Variants in ITPR2 observed in about 807,000 individuals in gnomAD.
ITPR2 encodes the protein inositol 1,4,5-trisphosphate-gated calcium channel ITPR2.
Under a neutral mutation model 317.1 loss-of-function variants are expected in ITPR2, and 207 were observed. That is an observed-to-expected ratio of 0.65 (90% CI 0.58 to 0.73). The LOEUF (loss-of-function observed/expected upper bound fraction) is 0.73. Ranked by LOEUF, ITPR2 falls within the 30% of genes least tolerant of loss-of-function variation. ITPR2 has a pLI of 0.00. For missense variants in ITPR2, 2,613 were observed against 3,284.0 expected, an observed-to-expected ratio of 0.80 and a Z score of 4.99; for synonymous variants, 1,156 against 1,149.1, an observed-to-expected ratio of 1.01 and a Z score of -0.12.
chr12:26,594,368 G>C (rs1357468680), intron 32 of ITPR2, among the ~76,000 whole-genome samples: 1 of 151,906 alleles, frequency 6.6e-6, no homozygotes, highest in African/African-American at 2.4e-5. Flanking sequence ...TTACATGTCT[G>C]AGTCTACAGG....
chr12:26,450,967 CTG>C (rs767142543), intron 45 of ITPR2, among the ~76,000 whole-genome samples: 1 of 152,164 alleles, frequency 6.6e-6, no homozygotes, highest in Non-Finnish European at 1.5e-5. Context: ...GCTAACAAAT[CTG>C]TGTTTCTTGG....
chr12:26,515,342 G>A lies in ITPR2; in HGVS notation c.5074-20082C>T, dbSNP rs150255571. On this transcript the variant is annotated intron_variant, in intron 37 of 56. Transcript: ENST00000381340. ...TCTACAGTGATTTTCTGGGGCAAGTGTGAACATTATTTTACTTCCATATTT... is the reference window on the plus strand; with the variant it reads ...TCTACAGTGATTTTCTGGGGCAAGTATGAACATTATTTTACTTCCATATTT... Among the ~76,000 whole-genome samples, 56 of 152,226 alleles carry A rather than the reference G, an allele frequency of 3.7e-4. 1 individual carries two copies. The East Asian group carries it at 0.011, about 29-fold the overall frequency.
intron 9 of ITPR2, among the ~76,000 whole-genome samples, chr12:26,702,632 G>A (rs12581485): frequency 0.17 from 25,533 of 151,678 alleles, 2,537 homozygotes; most frequent in Non-Finnish European, 0.23. Flanking sequence ...AGAGAGGGGG[G>A]TTTCACCATA....
At chr12:26,576,530 T>C (rs1426902807) in intron 34 of ITPR2, among the ~76,000 whole-genome samples, 1 of 152,146 alleles carries the variant, frequency 6.6e-6, no homozygotes, top group African/African-American at 2.4e-5. Context: ...GTGTCCGTGC[T>C]GGGTAAGATG....
At chr12:26,626,397 GAA>G (rs747806263) in intron 23 of ITPR2, among the ~76,000 whole-genome samples, 9 of 152,196 alleles carry the variant, frequency 5.9e-5, no homozygotes, top group Non-Finnish European at 1.2e-4. Flanking sequence ...ACAAAAAAAG[GAA>G]AGAGATCAGG....
At chr12:26,574,433 A>G (rs1210190549) in intron 34 of ITPR2, among the ~76,000 whole-genome samples, 1 of 152,208 alleles carries the variant, frequency 6.6e-6, no homozygotes, top group Non-Finnish European at 1.5e-5. Context: ...ACCAAAAAGC[A>G]TACAGTCTAA....
intron 37 of ITPR2, among the ~76,000 whole-genome samples, chr12:26,522,846 G>T (rs1442911917): frequency 2.0e-5 from 3 of 152,162 alleles, no homozygotes; most frequent in East Asian, 3.9e-4. Context: ...CACGGCGGGG[G>T]GGGAACCCCA....
Position 26,595,464 on chromosome 12 carries a change from C to T in ITPR2, c.4380+1G>A. ...CCTTCAGTAGTCAAAATCTAACTTA[C>T]CCTTGCCATATCCACCAAGAAGTTC... On this transcript the variant is annotated splice_donor_variant, in intron 32 of 56. Coordinates refer to ENST00000381340, the MANE Select transcript of ITPR2 (RefSeq NM_002223.4). LOFTEE classifies it high-confidence loss of function. The T allele has an allele frequency of 6.2e-7, 1 of 1,605,346 alleles. No individual in the cohort carries two copies. Among genetic ancestry groups the T allele is most frequent in the Non-Finnish European group, 8.5e-7 (1 of 1,177,682 alleles).
intron 45 of ITPR2, among the ~76,000 whole-genome samples, chr12:26,461,794 T>C (rs1222855701): frequency 1.3e-5 from 2 of 151,608 alleles, no homozygotes; most frequent in African/African-American, 2.4e-5. Context: ...TTCACATCTC[T>C]AAAATTGATC....
At chr12:26,480,819 G>A (rs1049570078) in intron 43 of ITPR2, among the ~76,000 whole-genome samples, 1 of 151,964 alleles carries the variant, frequency 6.6e-6, no homozygotes, top group African/African-American at 2.4e-5. Flanking sequence ...CAGCTTGGGC[G>A]GCAGAGCTAG....
chr12:26,494,284 A>G lies in ITPR2; in HGVS notation c.5239T>C (p.Cys1747Arg), dbSNP rs1371768871. ...KMGISMSDIQ[C>R]LLDKEGASEL... is the part of the protein sequence containing the mutation. ...GATGCACCTTCTTTATCCAGCAGAC[A>G]CTGAATGTCTGACATTGATATCCCC... is the stretch of plus-strand genomic sequence containing the variant. The change falls in exon 39 of 57, where the codon TGT becomes CGT. Residue 1747 changes from cysteine to arginine, a missense_variant. Around this residue, in one of 9 missense-constraint regions of ITPR2, gnomAD observed 926 missense variants for 1,072.8 expected, o/e 0.86. Coordinates refer to ENST00000381340, the MANE Select transcript of ITPR2 (RefSeq NM_002223.4). The G allele has an allele frequency of 6.2e-7, 1 of 1,613,116 alleles. No homozygotes were observed. Among genetic ancestry groups the G allele is most frequent in the Non-Finnish European group, 8.5e-7 (1 of 1,179,662 alleles).
chr12:26,698,065 C>A (rs978048185), intron 9 of ITPR2, among the ~76,000 whole-genome samples: 1 of 151,994 alleles, frequency 6.6e-6, no homozygotes, highest in African/African-American at 2.4e-5. Context: ...AAGAGACAAC[C>A]AACTAATGAG....
chr12:26,451,162 A>C (rs532168979), intron 45 of ITPR2, among the ~76,000 whole-genome samples: 1 of 152,284 alleles, frequency 6.6e-6, no homozygotes, highest in East Asian at 1.9e-4. Flanking sequence ...CCTTAAAGAA[A>C]GCACAACCAA....
At chr12:26,508,556 T>C (rs1355786288) in intron 37 of ITPR2, among the ~76,000 whole-genome samples, 6 of 151,958 alleles carry the variant, frequency 3.9e-5, no homozygotes, top group Non-Finnish European at 1.5e-5. Flanking sequence ...AGATGAGAGG[T>C]ATATTTATCT....
At chr12:26,501,706 C>G (rs1413590908) in intron 37 of ITPR2, among the ~76,000 whole-genome samples, 1 of 152,162 alleles carries the variant, frequency 6.6e-6, no homozygotes, top group Non-Finnish European at 1.5e-5. Flanking sequence ...ATTCATTCAC[C>G]ATAATGGCAA....
At chr12:26,447,666 G>A (rs1020253559) in intron 45 of ITPR2, among the ~76,000 whole-genome samples, 1 of 151,838 alleles carries the variant, frequency 6.6e-6, no homozygotes, top group Admixed American at 6.6e-5. Context: ...GATAAAGCAA[G>A]GATAGCATTC....
In ITPR2 at chr12:26,616,646, T is replaced by C. The variant is rs556225054; in HGVS notation, c.3462+4477A>G. Among the ~76,000 whole-genome samples the C allele has an allele frequency of 9.2e-5, 14 of 152,288 alleles. No individual in the cohort carries two copies. The South Asian group carries it at 2.9e-3, about 32-fold the overall frequency. ...AAACGATAGAGTATAGTAGGATAAG[T>C]ATAATAAAATAGCAAACAAATCCAG... On this transcript the variant is annotated intron_variant, in intron 26 of 56. Transcript: ENST00000381340.
At chr12:26,482,498 T>C (rs1487898439) in intron 42 of ITPR2, among the ~76,000 whole-genome samples, 1 of 152,248 alleles carries the variant, frequency 6.6e-6, no homozygotes, top group Non-Finnish European at 1.5e-5. Flanking sequence ...CTATTATAGA[T>C]GTACAAGTTT....
In ITPR2 at chr12:26,391,555, C is replaced by CTTTTTTTTTT. The variant is rs1491173931; in HGVS notation, c.7697-3962_7697-3961insAAAAAAAAAA. On this transcript the variant is annotated intron_variant, in intron 54 of 56. Coordinates refer to ENST00000381340, the MANE Select transcript of ITPR2 (RefSeq NM_002223.4). ...AGCTTCTTCTTCTTCTTCTTCTTTT[C>CTTTTTTTTTT]CTTTTTTTTTTTTTTTTTTTTTTTT... is the stretch of plus-strand genomic sequence containing the variant. 3.7e-3 allele frequency among the ~76,000 whole-genome samples: 261 copies of CTTTTTTTTTT among 70,846 alleles called. 59 individuals carry two copies. The highest frequency in any genetic ancestry group is 6.4e-3 in the African/African-American group (119 of 18,610). 46.5% of individuals were successfully genotyped at this position (70,846 alleles called of 152,430 possible). A position where few individuals can be genotyped will look rare whatever the true frequency, so the allele number is the denominator to read the frequency against.
Sources: gnomAD v4.1 joint callset for allele counts (sites outside exome capture counted in the v4.1 genomes callset) on GRCh38, gnomAD v4.1.1 for gene constraint, gnomAD v4.1.1 regional missense constraint, MANE v1.5 for transcripts, NCBI Gene and HGNC (gene_info 2026-07-23, HGNC 2026-07-21) for gene names.